IDH3A: variants seen among roughly 807,000 people sequenced by gnomAD.
The protein encoded by IDH3A is isocitrate dehydrogenase [NAD] subunit alpha, mitochondrial.
IDH3A carries 23 observed loss-of-function variants against 43.3 expected under a neutral mutation model. That is an observed-to-expected ratio of 0.53 (90% confidence interval 0.38 to 0.75). IDH3A has a LOEUF of 0.75. IDH3A is among the 30% of genes least tolerant of loss of function. The pLI is 0.00. For synonymous variants in IDH3A, 154 were observed against 163.5 expected (o/e 0.94, Z 0.44); for missense variants, 329 against 474.4 (o/e 0.69, Z 2.85).
rs544183551 is a variant in IDH3A, at chr15:78,150,192, G to C, written c.27+762G>C. Among the ~76,000 whole-genome samples the C allele has an allele frequency of 7.1e-4, 108 of 152,328 alleles. 1 individual carries two copies. Among genetic ancestry groups the C allele is most frequent in the African/African-American group, 2.2e-3 (92 of 41,578 alleles). On this transcript the variant is annotated intron_variant, in intron 1 of 10. Coordinates refer to ENST00000299518, the MANE Select transcript of IDH3A (RefSeq NM_005530.3). ...AGCTCAGATGCCAGAGCTGGAAAGG[G>C]TTTCAGATCATCTATGCAGTTCCGT... is the stretch of plus-strand genomic sequence containing the variant.
intron 1 of IDH3A, among the ~76,000 whole-genome samples, chr15:78,152,588 G>A (rs2074587929): frequency 6.6e-6 from 1 of 151,854 alleles, no homozygotes; most frequent in Non-Finnish European, 1.5e-5. Context: ...TTGAACTCCT[G>A]ACCTCAGGTG....
Position 78,168,936 on chromosome 15 carries a change from T to C in IDH3A, c.1032T>C (p.Asp344=), listed in dbSNP as rs76789131. ...CCTTTTCTCAGAGCTTGACAAAAGA[T>C]TTGGGAGGCAATGCAAAATGCTCAG... ...TIKDGKSLTK[D]LGGNAKCSDF... Residue 344 remains aspartate, a synonymous_variant, in exon 11 of 11, where the codon GAT becomes GAC. Coordinates refer to ENST00000299518, the MANE Select transcript of IDH3A (RefSeq NM_005530.3). 7.7e-4 allele frequency: 1,228 copies of C among 1,599,690 alleles called. 15 individuals carry two copies. The East Asian group carries it at 0.024, about 31-fold the overall frequency.
intron 10 of IDH3A, among the ~76,000 whole-genome samples, chr15:78,166,927 C>T (rs1435388547): frequency 6.6e-6 from 1 of 152,272 alleles, no homozygotes; most frequent in Non-Finnish European, 1.5e-5. Flanking sequence ...CCACCACACC[C>T]GGCCAAGTTC....
At chr15:78,162,200 T>C (rs1022364125) in intron 5 of IDH3A, 34 bp from the exon 6 acceptor site, 2 of 1,612,994 alleles carry the variant, frequency 1.2e-6, no homozygotes, top group Non-Finnish European at 1.7e-6. Context: ...GCTGTCACAC[T>C]CTTTCCAGCA....
chr15:78,157,223 T>C lies in IDH3A; in HGVS notation c.91-325T>C, dbSNP rs180763896. 8.9e-6 allele frequency: 9 copies of C among 1,013,792 alleles called. No individual in the cohort carries two copies. In the Admixed American group the frequency reaches 2.2e-4, roughly 25 times the overall value. The allele number at this position is 1,013,792 out of a possible 1,614,324, so 62.8% of individuals were successfully genotyped here. A position where few individuals can be genotyped will look rare whatever the true frequency, so the allele number is the denominator to read the frequency against. On this transcript the variant is annotated intron_variant, in intron 2 of 10. Transcript: ENST00000299518. ...CTTTGGTTTAAAAGATTTGAATTAA[T>C]TGGTCTCTTTGCAGCTTGTCTGAAA...
chr15:78,154,141 A>G (rs1383366465), intron 1 of IDH3A, among the ~76,000 whole-genome samples: 6 of 151,928 alleles, frequency 3.9e-5, no homozygotes, highest in African/African-American at 1.4e-4. Context: ...AGTTTATAAT[A>G]AACCTTTAAA....
intron 1 of IDH3A, among the ~76,000 whole-genome samples, chr15:78,149,844 C>CA (rs1180800276): frequency 2.6e-5 from 4 of 152,258 alleles, no homozygotes; most frequent in African/African-American, 9.6e-5. Context: ...CTGATCCCCT[C>CA]AGCACTGCCC....
At chr15:78,153,742 G>T (rs766433838) in intron 1 of IDH3A, among the ~76,000 whole-genome samples, 30 of 152,310 alleles carry the variant, frequency 2.0e-4, no homozygotes, top group Non-Finnish European at 4.0e-4. Context: ...AATGCAGCCG[G>T]GTGTGGTGGC....
At chr15:78,166,107 T>G (rs781320010) in intron 9 of IDH3A, 43 bp from the exon 10 acceptor site, 1 of 1,594,034 alleles carries the variant, frequency 6.3e-7, no homozygotes, top group South Asian at 1.1e-5. Flanking sequence ...GGACTGTTAG[T>G]TTTTGTCTCT....
chr15:78,149,529 C>A, intron 1 of IDH3A, 99 bp downstream of exon 1: 1 of 1,096,156 alleles, frequency 9.1e-7, no homozygotes, highest in Non-Finnish European at 1.3e-6. Context: ...GTGGGCCAGA[C>A]AGGGAGGCGG....
Position 78,166,258 on chromosome 15 carries a change from G to T in IDH3A, c.973G>T (p.Ala325Ser). The change falls in exon 10 of 11, where the codon GCA becomes TCA. Residue 325 changes from alanine (A) to serine (S), a missense_variant. Ala to Ser is a moderately conservative substitution (Grantham distance 99). Around this residue, in one of 3 missense-constraint regions of IDH3A, gnomAD observed 91 missense variants for 111.6 expected, o/e 0.82. Coordinates refer to ENST00000299518, the MANE Select transcript of IDH3A (RefSeq NM_005530.3). Reference sequence around the variant, plus strand: ...CCACATGGGACTTTTTGACCATGCTGCAAGAATTGAGGCTGCGTGTTTTGC... The same window carrying T: ...CCACATGGGACTTTTTGACCATGCTTCAAGAATTGAGGCTGCGTGTTTTGC... ...LRHMGLFDHA[A>S]RIEAACFATI... is the part of the protein sequence containing the mutation. 2 of 1,614,188 alleles carry T rather than the reference G, an allele frequency of 1.2e-6. No individual in the cohort carries two copies. Among genetic ancestry groups the T allele is most frequent in the Non-Finnish European group, 1.7e-6 (2 of 1,180,028 alleles).
chr15:78,167,277 A>G (rs1157961450), intron 10 of IDH3A, among the ~76,000 whole-genome samples: 1 of 152,242 alleles, frequency 6.6e-6, no homozygotes, highest in Non-Finnish European at 1.5e-5. Context: ...ATAGATGAGG[A>G]AACTGAGGTA....
chr15:78,171,694 A>T lies in IDH3A; in HGVS notation c.*2689A>T. 3.4e-6 allele frequency: 2 copies of T among 589,930 alleles called. No homozygotes were observed. Among genetic ancestry groups the T allele is most frequent in the Non-Finnish European group, 6.1e-6 (2 of 328,892 alleles). 36.5% of individuals were successfully genotyped at this position (589,930 alleles called of 1,614,324 possible). A position where few individuals can be genotyped will look rare whatever the true frequency, so the allele number is the denominator to read the frequency against. On this transcript the variant is annotated 3_prime_UTR_variant, in exon 11 of 11. Transcript: ENST00000299518. ...AAGACAGTGATCGCTCCTGGTATTCATATGGCTTGTGTGTAGTCTCCTGTG... is the reference window on the plus strand; with the variant it reads ...AAGACAGTGATCGCTCCTGGTATTCTTATGGCTTGTGTGTAGTCTCCTGTG...
chr15:78,171,359 G>T lies in IDH3A; in HGVS notation c.*2354G>T. 1 of 1,145,784 alleles carries T rather than the reference G, an allele frequency of 8.7e-7. No individual in the cohort carries two copies. The highest frequency in any genetic ancestry group is 1.3e-6 in the Non-Finnish European group (1 of 780,374). 71.0% of individuals were successfully genotyped at this position (1,145,784 alleles called of 1,614,324 possible). A position where few individuals can be genotyped will look rare whatever the true frequency, so the allele number is the denominator to read the frequency against. ...TAACAGACTTGGCAGAAATGCCTGT[G>T]CCCAGACTGAAGAGACCTGGGGCTC... On this transcript the variant is annotated 3_prime_UTR_variant, in exon 11 of 11. Transcript: ENST00000299518.
At chr15:78,166,452 G>T in intron 10 of IDH3A, 150 bp downstream of exon 10, 1 of 792,378 alleles carries the variant, frequency 1.3e-6, no homozygotes. Context: ...GTCCCAGATT[G>T]AACAGGGTAT....
At chr15:78,152,949 C>A (rs912786674) in intron 1 of IDH3A, among the ~76,000 whole-genome samples, 12 of 151,674 alleles carry the variant, frequency 7.9e-5, no homozygotes, top group Non-Finnish European at 1.0e-4. Flanking sequence ...TTATTGAATA[C>A]CTTCTATGAG....
At chr15:78,153,371 T>A (rs2074595313) in intron 1 of IDH3A, among the ~76,000 whole-genome samples, 1 of 152,246 alleles carries the variant, frequency 6.6e-6, no homozygotes, top group Non-Finnish European at 1.5e-5. Context: ...CCTTCTTTTT[T>A]GTTCAGGGAG....
At position 78,171,589 on chromosome 15, in the gene IDH3A, T is replaced by C. The variant is rs2074823321; in HGVS notation, c.*2584T>C. ...AGGCTCTGAGAACTCTGAGAATGTGTGTGGTAAAGACTCACACTCAGTCCT... is the reference window on the plus strand; with the variant it reads ...AGGCTCTGAGAACTCTGAGAATGTGCGTGGTAAAGACTCACACTCAGTCCT... On this transcript the variant is annotated 3_prime_UTR_variant, in exon 11 of 11. Coordinates refer to ENST00000299518, the MANE Select transcript of IDH3A (RefSeq NM_005530.3). The C allele has an allele frequency of 7.1e-7, 1 of 1,414,038 alleles. No individual in the cohort carries two copies. 87.6% of individuals were successfully genotyped at this position (1,414,038 alleles called of 1,614,324 possible).
rs767460802 is a variant in IDH3A, at chr15:78,161,784, A to T, written c.477+16A>T. On this transcript the variant is annotated intron_variant, in intron 5 of 10. Coordinates refer to ENST00000299518, the MANE Select transcript of IDH3A (RefSeq NM_005530.3). The surrounding 1 kb of genome is among the most constrained non-coding windows in gnomAD (Gnocchi z 4.8). Reference sequence around the variant, plus strand: ...TGAGCATGTGGTATGTTCACTCCAGATTCTTTTTTATTCCTGCTTGGACTG... The same window carrying T: ...TGAGCATGTGGTATGTTCACTCCAGTTTCTTTTTTATTCCTGCTTGGACTG... The T allele has an allele frequency of 1.1e-4, 174 of 1,603,006 alleles. No individual in the cohort carries two copies. The highest frequency in any genetic ancestry group is 9.5e-4 in the Admixed American group (57 of 59,816).
Sources: gnomAD v4.1 joint callset for allele counts (sites outside exome capture counted in the v4.1 genomes callset) on GRCh38, gnomAD v4.1.1 for gene constraint, gnomAD v4.1.1 regional missense constraint, Gnocchi (gnomAD v3.1) non-coding constraint, MANE v1.5 for transcripts, NCBI Gene and HGNC (gene_info 2026-07-23, HGNC 2026-07-21) for gene names.